Variants in UGT1A10 observed in about 807,000 individuals in gnomAD.
The protein encoded by UGT1A10 is UDP-glucuronosyltransferase 1A10.
Under a neutral mutation model 45.8 loss-of-function variants are expected in UGT1A10, and 49 were observed. The observed-to-expected ratio is 1.07, with a 90% confidence interval of 0.85 to 1.36. UGT1A10 has a LOEUF of 1.36. UGT1A10 is among the 40% of genes most tolerant of loss of function. The pLI, the probability that UGT1A10 is intolerant of heterozygous loss-of-function variation, is 0.00. For missense variants in UGT1A10, 745 were observed against 668.6 expected (o/e 1.11, Z -1.26); for synonymous variants, 284 against 249.7 (o/e 1.14, Z -1.29).
rs2074809604 is a variant in UGT1A10, at chr2:233,686,880, C to T, written c.855+49503C>T. ...TCTTTCCTTTCTGTCACTTTTTCTG[C>T]ATGATTCCTGCCCCAGAGGGGTCAA... On this transcript the variant is annotated intron_variant, in intron 1 of 4. Transcript: ENST00000344644. Among the ~76,000 whole-genome samples the T allele has an allele frequency of 2.0e-5, 3 of 152,168 alleles. No homozygotes were observed. In the South Asian group the frequency reaches 6.2e-4, roughly 32 times the overall value.
intron 1 of UGT1A10, chr2:233,743,539 T>C (rs34135810): frequency 0.015 from 20,568 of 1,367,214 alleles, 228 homozygotes; most frequent in South Asian, 0.027. Context: ...GCAGTTCCTC[T>C]GACCCCCCCA....
intron 1 of UGT1A10, among the ~76,000 whole-genome samples, chr2:233,677,188 AT>A: frequency 6.6e-6 from 1 of 152,142 alleles, no homozygotes; most frequent in Non-Finnish European, 1.5e-5. Flanking sequence ...ATATCTTTTT[AT>A]TTAGGTCCGT....
rs45535938 is a variant in UGT1A10, at chr2:233,693,109, C to T, written c.855+55732C>T. ...ACAAGCTGCTGGTGGTCCCTCAGGA[C>T]GGAAGCCACTGGCTTAGTATGAAGG... On this transcript the variant is annotated intron_variant, in intron 1 of 4. Coordinates refer to ENST00000344644, the MANE Select transcript of UGT1A10 (RefSeq NM_019075.4). 1.9e-3 allele frequency: 3,145 copies of T among 1,614,076 alleles called. 71 individuals are homozygous for T. The East Asian group carries it at 0.05, about 26-fold the overall frequency.
At chr2:233,748,093 C>A (rs1693864089) in intron 1 of UGT1A10, 3 of 1,612,862 alleles carry the variant, frequency 1.9e-6, no homozygotes, top group African/African-American at 1.3e-5. Context: ...GGTGTTCGTG[C>A]CTTCATCCAA....
At chr2:233,743,688 A>T (rs1211697299) in intron 1 of UGT1A10, 1 of 1,367,244 alleles carries the variant, frequency 7.3e-7, no homozygotes, top group African/African-American at 1.5e-5. Flanking sequence ...CCGCCTGTGC[A>T]GCCGCCCTCC....
Position 233,636,843 on chromosome 2 carries a change from T to C in UGT1A10, c.321T>C (p.Ser107=), listed in dbSNP as rs375891944. ...QWKAQAQSIF[S]LLMSSSSGFL... is the part of the protein sequence containing the mutation. ...AAGCACAGGCACAAAGTATATTTTCTCTATTAATGAGTTCATCCAGTGGTT... is the reference window on the plus strand; with the variant it reads ...AAGCACAGGCACAAAGTATATTTTCCCTATTAATGAGTTCATCCAGTGGTT... The change falls in exon 1 of 5, where the codon TCT becomes TCC. Residue 107 remains serine, a synonymous_variant. Transcript: ENST00000344644. 4.3e-6 allele frequency: 7 copies of C among 1,614,108 alleles called. No individual in the cohort carries two copies. In the African/African-American group the frequency reaches 9.3e-5, roughly 22 times the overall value.
In UGT1A10 at chr2:233,772,898, G is replaced by C. The variant is rs1042640; in HGVS notation, c.*339G>C. 367,954 of 456,154 alleles carry C rather than the reference G, an allele frequency of 0.81. 148,868 individuals are homozygous for C. Among genetic ancestry groups the C allele is most frequent in the East Asian group, 0.89 (15,034 of 16,914 alleles). The allele number at this position is 456,154 out of a possible 1,614,324, so 28.3% of individuals were successfully genotyped here. On this transcript the variant is annotated 3_prime_UTR_variant, in exon 5 of 5. Coordinates refer to ENST00000344644, the MANE Select transcript of UGT1A10 (RefSeq NM_019075.4). ...GTGCGGGATTCAAAGGTGGTCCCACGGCTGCCCCTACTGCAAATGGCAGTT... is the reference window on the plus strand; with the variant it reads ...GTGCGGGATTCAAAGGTGGTCCCACCGCTGCCCCTACTGCAAATGGCAGTT...
intron 1 of UGT1A10, among the ~76,000 whole-genome samples, chr2:233,745,628 G>GA (rs922569313): frequency 1.5e-4 from 22 of 151,674 alleles, no homozygotes; most frequent in Non-Finnish European, 1.8e-4. Context: ...AACAGTCATA[G>GA]AAAGCTGGCC....
rs925790057 is a variant in UGT1A10 at position 233,666,599 on chromosome 2, G to GT, written c.855+29230dup. Among the ~76,000 whole-genome samples, 210 of 150,990 alleles carry GT rather than the reference G, an allele frequency of 1.4e-3. 1 individual carries two copies. The highest frequency in any genetic ancestry group is 4.0e-3 in the African/African-American group (165 of 41,132). On this transcript the variant is annotated intron_variant, in intron 1 of 4. Coordinates refer to ENST00000344644, the MANE Select transcript of UGT1A10 (RefSeq NM_019075.4). Reference sequence around the variant, plus strand: ...ATTTATCCTTTACCAGTCTGTAGATGTTTTTTTTAAAGTAAACTCTTTTTG... The same window carrying GT: ...ATTTATCCTTTACCAGTCTGTAGATGTTTTTTTTTAAAGTAAACTCTTTTTG...
chr2:233,686,153 A>G (rs1052829163), intron 1 of UGT1A10, among the ~76,000 whole-genome samples: 8 of 152,174 alleles, frequency 5.3e-5, no homozygotes, highest in African/African-American at 1.9e-4. Context: ...CTTGAAATGG[A>G]TCAAAGACCT....
intron 1 of UGT1A10, chr2:233,691,778 G>T: frequency 3.3e-6 from 1 of 303,792 alleles, no homozygotes; most frequent in African/African-American, 2.3e-5. Context: ...TTCTCACCAC[G>T]TACTGGCTAG....
chr2:233,691,258 A>G (rs779837737), intron 1 of UGT1A10: 26 of 985,570 alleles, frequency 2.6e-5, no homozygotes, highest in Non-Finnish European at 3.0e-5. Flanking sequence ...TCAAAGCAAG[A>G]TGCTGCCGCC....
chr2:233,743,821 G>A (rs375309664), intron 1 of UGT1A10: 180 of 1,367,120 alleles, frequency 1.3e-4, no homozygotes, highest in Middle Eastern at 2.1e-4. Flanking sequence ...GGTTTTTGTC[G>A]GGGTGCCACT....
At chr2:233,693,476 A>G (rs1329461321) in intron 1 of UGT1A10, 2 of 1,614,154 alleles carry the variant, frequency 1.2e-6, no homozygotes, top group African/African-American at 1.3e-5. Context: ...CTGTGGGGTG[A>G]TCCTGGCTGA....
At chr2:233,747,146 G>T in intron 1 of UGT1A10, 1 of 1,568,908 alleles carries the variant, frequency 6.4e-7, no homozygotes, top group Non-Finnish European at 8.6e-7. Flanking sequence ...AGGTAATTAA[G>T]ATGAAGAAAA....
intron 1 of UGT1A10, among the ~76,000 whole-genome samples, chr2:233,762,298 G>A (rs1261319801): frequency 6.6e-6 from 1 of 152,140 alleles, no homozygotes; most frequent in Non-Finnish European, 1.5e-5. Flanking sequence ...TGCCAACCGA[G>A]GTCTAGTTAA....
At chr2:233,695,274 T>C (rs1346738966) in intron 1 of UGT1A10, among the ~76,000 whole-genome samples, 1 of 151,970 alleles carries the variant, frequency 6.6e-6, no homozygotes, top group East Asian at 1.9e-4. Context: ...TATAGGCATG[T>C]GCCACCATTC....
intron 4 of UGT1A10, 116 bp from the exon 5 acceptor site, chr2:233,772,146 G>A: frequency 6.4e-7 from 1 of 1,552,532 alleles, no homozygotes; most frequent in Non-Finnish European, 8.7e-7. Flanking sequence ...ATAGAAACAG[G>A]TTTCCTTTCC....
chr2:233,690,017 C>T (rs2074971660), intron 1 of UGT1A10: 1 of 439,614 alleles, frequency 2.3e-6, no homozygotes, highest in Non-Finnish European at 4.5e-6. Flanking sequence ...CATTTTGGAC[C>T]TTCCTCAAGA....
Sources: gnomAD v4.1 joint callset for allele counts (sites outside exome capture counted in the v4.1 genomes callset) on GRCh38, gnomAD v4.1.1 for gene constraint, MANE v1.5 for transcripts, NCBI Gene and HGNC (gene_info 2026-07-23, HGNC 2026-07-21) for gene names.